Variants in WDR64 observed in about 807,000 individuals in gnomAD.
WDR64 encodes the protein WD repeat domain 64.
In WDR64, 112 loss-of-function variants were observed where a neutral mutation model predicts 139.3. The observed-to-expected ratio is 0.80, with a 90% CI of 0.69 to 0.94. The LOEUF (loss-of-function observed/expected upper bound fraction) is 0.94. Ranked by LOEUF, WDR64 falls within the 40% of genes least tolerant of loss-of-function variation. The pLI, the probability that WDR64 is intolerant of heterozygous loss-of-function variation, is 0.00. For missense variants in WDR64, 1,206 were observed against 1,293.1 expected (o/e 0.93, Z 1.03); for synonymous variants, 444 against 437.7 (o/e 1.01, Z -0.18).
chr1:241,744,501 A>C lies in WDR64; in HGVS notation c.1579A>C (p.Thr527Pro). ...AVDESGFLFA[T>P]GAYNGTVRIW... ...CGATGAAAGTGGATTTCTTTTTGCCACAGGAGCGTATAATGGTCAGACTAA... is the reference window on the plus strand; with the variant it reads ...CGATGAAAGTGGATTTCTTTTTGCCCCAGGAGCGTATAATGGTCAGACTAA... The change falls in exon 13 of 28, where the codon ACA becomes CCA. Residue 527 changes from threonine (T) to proline (P), a missense_variant. Thr to Pro is a conservative substitution (Grantham distance 38). Transcript: ENST00000437684. The C allele has an allele frequency of 1.2e-6, 2 of 1,614,074 alleles. No individual in the cohort carries two copies. The highest frequency in any genetic ancestry group is 1.7e-6 in the Non-Finnish European group (2 of 1,179,996).
At chr1:241,771,931 T>C (rs1432833023) in intron 19 of WDR64, among the ~76,000 whole-genome samples, 3 of 42,492 alleles carry the variant, frequency 7.1e-5, no homozygotes, top group Non-Finnish European at 1.5e-4. Flanking sequence ...TACATACATA[T>C]ACATACATAC....
chr1:241,789,666 G>A (rs1355507567), intron 24 of WDR64, among the ~76,000 whole-genome samples: 1 of 152,160 alleles, frequency 6.6e-6, no homozygotes, highest in African/African-American at 2.4e-5. Context: ...TTATAAGTGG[G>A]AGCTAAATGA....
intron 8 of WDR64, among the ~76,000 whole-genome samples, chr1:241,705,563 AATAATAATAAT>A (rs1404914755): frequency 7.9e-5 from 5 of 63,202 alleles, no homozygotes; most frequent in African/African-American, 1.6e-4. Flanking sequence ...ATAAATAAAT[AATAATAATAAT>A]AATAATAATA....
intron 21 of WDR64, among the ~76,000 whole-genome samples, chr1:241,775,703 C>G (rs957448568): frequency 6.6e-6 from 1 of 152,100 alleles, no homozygotes; most frequent in African/African-American, 2.4e-5. Context: ...CTTCTGTCGT[C>G]TGAATTAATC....
At chr1:241,659,059 C>T (rs189625716) in intron 1 of WDR64, among the ~76,000 whole-genome samples, 1 of 152,170 alleles carries the variant, frequency 6.6e-6, no homozygotes, top group African/African-American at 2.4e-5. Context: ...TCCCTCCACA[C>T]CCCCACAACC....
chr1:241,796,988 A>G (rs2148334350), intron 27 of WDR64, among the ~76,000 whole-genome samples: 1 of 152,324 alleles, frequency 6.6e-6, no homozygotes, highest in East Asian at 1.9e-4. Context: ...CACGACATAG[A>G]GGAGGGCTGT....
chr1:241,735,127 G>A (rs533945274), intron 10 of WDR64, among the ~76,000 whole-genome samples: 234 of 152,086 alleles, frequency 1.5e-3, no homozygotes, highest in Non-Finnish European at 2.7e-3. Context: ...TATTTTGCAT[G>A]TTTTATATAA....
At chr1:241,759,137 T>A (rs2148280405) in intron 15 of WDR64, among the ~76,000 whole-genome samples, 1 of 152,146 alleles carries the variant, frequency 6.6e-6, no homozygotes, top group Admixed American at 6.5e-5. Flanking sequence ...GTGCTATCAT[T>A]GTACATTACA....
intron 8 of WDR64, among the ~76,000 whole-genome samples, chr1:241,692,012 C>CA (rs1159220485): frequency 2.6e-4 from 36 of 139,914 alleles, no homozygotes; most frequent in Non-Finnish European, 3.4e-4. Context: ...GACTCCATCT[C>CA]AAAAAAATAA....
rs185609089 is a variant in WDR64 at position 241,652,606 on chromosome 1, C to T, written c.122C>T (p.Ala41Val). The T allele has an allele frequency of 2.6e-4, 411 of 1,551,728 alleles. 5 individuals carry two copies. In the South Asian group the frequency reaches 4.3e-3, roughly 16 times the overall value. The change falls in exon 1 of 28, where the codon GCA (alanine) becomes GTA (valine). Residue 41 changes from alanine to valine, a missense_variant. Coordinates refer to ENST00000437684, the MANE Select transcript of WDR64 (RefSeq NM_001367482.1). The stretch of plus-strand genomic sequence containing the variant: ...GCAGCCCAGAAAAGAGATGAAAGAG[C>T]AGGCTTATTTATCCATAAAGAAGGT... ...QTAAQKRDER[A>V]GLFIHKEDAI...
At chr1:241,721,346 AT>A (rs1286763661) in intron 9 of WDR64, among the ~76,000 whole-genome samples, 2 of 151,996 alleles carry the variant, frequency 1.3e-5, no homozygotes, top group African/African-American at 2.4e-5. Flanking sequence ...TAAAATGACT[AT>A]TTTGAATTTT....
At chr1:241,683,829 A>C in intron 7 of WDR64, 128 bp downstream of exon 7, 1 of 714,136 alleles carries the variant, frequency 1.4e-6, no homozygotes, top group Non-Finnish European at 2.2e-6. Context: ...AAATTAAAGT[A>C]ATATAAACAA....
chr1:241,702,495 A>T (rs1216667422), intron 8 of WDR64, among the ~76,000 whole-genome samples: 1 of 151,266 alleles, frequency 6.6e-6, no homozygotes. Context: ...TTGTTCCCCT[A>T]AGAAAGATAC....
rs916325984 is a variant in WDR64, at chr1:241,801,080, G to A, written c.3193-52G>A. On this transcript the variant is annotated intron_variant, in intron 27 of 27. Transcript: ENST00000437684. The stretch of plus-strand genomic sequence containing the variant: ...CAATACACCTTGACTCTGGAAAATT[G>A]TGTTTGTCAGTAGAATGCCAGTTAC... 3 of 1,480,796 alleles carry A rather than the reference G, an allele frequency of 2.0e-6. No homozygotes were observed. In the African/African-American group the frequency reaches 4.2e-5, roughly 21 times the overall value. The allele number at this position is 1,480,796 out of a possible 1,614,324, so 91.7% of individuals were successfully genotyped here.
chr1:241,673,294 A>C (rs1027386894), intron 3 of WDR64, among the ~76,000 whole-genome samples: 2 of 152,162 alleles, frequency 1.3e-5, no homozygotes, highest in Non-Finnish European at 2.9e-5. Context: ...ACAAACCTGC[A>C]CATTGTGCAC....
chr1:241,771,248 A>G (rs975423510), intron 18 of WDR64, among the ~76,000 whole-genome samples: 10 of 152,236 alleles, frequency 6.6e-5, no homozygotes, highest in African/African-American at 2.4e-4. Flanking sequence ...AGCCAGACAG[A>G]TTGTACTTGA....
chr1:241,713,648 C>T (rs1488987359), intron 9 of WDR64, among the ~76,000 whole-genome samples: 1 of 152,098 alleles, frequency 6.6e-6, no homozygotes, highest in Non-Finnish European at 1.5e-5. Flanking sequence ...TATTAATCCT[C>T]TCTGTTTAAA....
In WDR64 at chr1:241,703,106, G is replaced by C. The variant is rs1198990282; in HGVS notation, c.975-8696G>C. 6.6e-6 allele frequency among the ~76,000 whole-genome samples: 1 copy of C among 152,050 alleles called. No homozygotes were observed. The highest frequency in any genetic ancestry group is 2.4e-5 in the African/African-American group (1 of 41,402). ...ATTTCTTTCCTCTTATATCATAAAG[G>C]AGAAAAGAGAAATGCCTTATTCCTT... On this transcript the variant is annotated intron_variant, in intron 8 of 27. Transcript: ENST00000437684. The surrounding 1 kb of genome is among the most constrained non-coding windows in gnomAD (Gnocchi z 5.9).
chr1:241,741,940 C>T (rs1203927614), intron 12 of WDR64, among the ~76,000 whole-genome samples: 2 of 152,112 alleles, frequency 1.3e-5, no homozygotes, highest in Non-Finnish European at 2.9e-5. Context: ...ATCAAGAAGA[C>T]AGAACTAGTC....
Sources: gnomAD v4.1 joint callset for allele counts (sites outside exome capture counted in the v4.1 genomes callset) on GRCh38, gnomAD v4.1.1 for gene constraint, Gnocchi (gnomAD v3.1) non-coding constraint, MANE v1.5 for transcripts, NCBI Gene and HGNC (gene_info 2026-07-23, HGNC 2026-07-21) for gene names.